Variants in PAPPA2 observed in about 807,000 individuals in gnomAD.
PAPPA2 encodes the protein pappalysin-2.
Under a neutral mutation model 176.4 loss-of-function variants are expected in PAPPA2, and 86 were observed. The observed-to-expected ratio is 0.49, with a 90% confidence interval of 0.41 to 0.58. PAPPA2 has a LOEUF of 0.58. PAPPA2 is among the 20% of genes least tolerant of loss of function. The probability of loss-of-function intolerance (pLI) is 0.00; values close to 1 mark genes in which losing one functional copy is unlikely to be tolerated. For synonymous variants in PAPPA2, 809 were observed against 852.2 expected, an observed-to-expected ratio of 0.95 and a Z score of 0.88; for missense variants, 2,073 against 2,256.9, an observed-to-expected ratio of 0.92 and a Z score of 1.65.
chr1:176,777,941 A>T (rs1213646212), intron 17 of PAPPA2, among the ~76,000 whole-genome samples: 2 of 151,938 alleles, frequency 1.3e-5, no homozygotes, highest in Non-Finnish European at 2.9e-5. Context: ...GCAATAGGGA[A>T]ATTTCTTCTT....
At chr1:176,499,907 G>T (rs370166466) in intron 1 of PAPPA2, among the ~76,000 whole-genome samples, 4 of 152,256 alleles carry the variant, frequency 2.6e-5, no homozygotes, top group Admixed American at 1.3e-4. Flanking sequence ...GGTCTGAGTC[G>T]TGATGTGTCC....
chr1:176,760,587 G>A (rs1473423877), intron 14 of PAPPA2, among the ~76,000 whole-genome samples: 1 of 152,098 alleles, frequency 6.6e-6, no homozygotes. Context: ...GCACAGCTAT[G>A]GTAAAGCCTG....
intron 3 of PAPPA2, among the ~76,000 whole-genome samples, chr1:176,598,906 T>A (rs559602982): frequency 6.6e-6 from 1 of 152,228 alleles, no homozygotes; most frequent in East Asian, 1.9e-4. Flanking sequence ...ATCTCTTAAT[T>A]TACTACCTTA....
At chr1:176,519,339 C>T (rs1649089971) in intron 1 of PAPPA2, among the ~76,000 whole-genome samples, 1 of 152,094 alleles carries the variant, frequency 6.6e-6, no homozygotes, top group African/African-American at 2.4e-5. Context: ...CTGCGGGAGA[C>T]TCCTGGAGAC....
intron 3 of PAPPA2, among the ~76,000 whole-genome samples, chr1:176,614,788 A>G (rs1471768191): frequency 6.6e-6 from 1 of 152,194 alleles, no homozygotes; most frequent in Non-Finnish European, 1.5e-5. Flanking sequence ...CAGGCAGTAT[A>G]AATATATGGT....
intron 12 of PAPPA2, among the ~76,000 whole-genome samples, chr1:176,736,336 A>C (rs903469286): frequency 2.6e-5 from 4 of 151,448 alleles, no homozygotes; most frequent in East Asian, 1.9e-4. Flanking sequence ...TCTGGACTCT[A>C]TATATATATA....
Position 176,716,697 on chromosome 1 carries a change from C to T in PAPPA2, c.3798+4716C>T, listed in dbSNP as rs578113064. On this transcript the variant is annotated intron_variant, in intron 12 of 22. Transcript: ENST00000367662. ...CACAATCTTGGCTCACTGGAAACTC[C>T]GCTTCCCAGGTTCACGCCATTCTCC... 1.0e-4 allele frequency among the ~76,000 whole-genome samples: 15 copies of T among 148,090 alleles called. No homozygotes were observed. In the South Asian group the frequency reaches 1.7e-3, roughly 17 times the overall value.
intron 2 of PAPPA2, among the ~76,000 whole-genome samples, chr1:176,591,431 T>C (rs1653657785): frequency 6.6e-6 from 1 of 152,204 alleles, no homozygotes; most frequent in Non-Finnish European, 1.5e-5. Context: ...GAATTTCTGC[T>C]ATGTTATGAC....
intron 3 of PAPPA2, among the ~76,000 whole-genome samples, chr1:176,658,032 T>C (rs539821692): frequency 1.4e-4 from 21 of 152,100 alleles, no homozygotes; most frequent in Non-Finnish European, 2.6e-4. Flanking sequence ...GTTTCTATCA[T>C]GCTGAGAAAG....
At chr1:176,629,584 A>G (rs912655818) in intron 3 of PAPPA2, among the ~76,000 whole-genome samples, 1 of 152,210 alleles carries the variant, frequency 6.6e-6, no homozygotes, top group African/African-American at 2.4e-5. Context: ...TGAGCAGGTA[A>G]TAAAGAAAGG....
chr1:176,834,118 G>A (rs1210712903), intron 21 of PAPPA2, among the ~76,000 whole-genome samples: 1 of 152,166 alleles, frequency 6.6e-6, no homozygotes, highest in East Asian at 1.9e-4. Flanking sequence ...ACCTACATCA[G>A]TCACTAAACT....
At chr1:176,655,664 G>C (rs1045302518) in intron 3 of PAPPA2, among the ~76,000 whole-genome samples, 3 of 151,788 alleles carry the variant, frequency 2.0e-5, no homozygotes, top group Non-Finnish European at 4.4e-5. Context: ...TGAAATGATA[G>C]ACAATGGAGA....
chr1:176,593,548 A>G (rs191359068), intron 2 of PAPPA2, among the ~76,000 whole-genome samples: 47 of 152,348 alleles, frequency 3.1e-4, no homozygotes, highest in Non-Finnish European at 4.9e-4. Flanking sequence ...TAAACTGAAG[A>G]TGGGTTACTA....
intron 14 of PAPPA2, among the ~76,000 whole-genome samples, chr1:176,753,819 G>A (rs1325706766): frequency 6.6e-6 from 1 of 151,934 alleles, no homozygotes; most frequent in East Asian, 1.9e-4. Context: ...TTTAAGCAAG[G>A]AAAGAATTAT....
rs771000195 is a variant in PAPPA2, at chr1:176,690,155, C to T, written c.2156C>T (p.Pro719Leu). ...VTHLGGIVLS[P>L]AYYGMPGHTD... The stretch of plus-strand genomic sequence containing the variant: ...ATTGCAGGTGGCATTGTCCTCAGCC[C>T]AGCATATTATGGGATGCCTGGCCAC... The change falls in exon 5 of 23, where the codon CCA becomes CTA. Residue 719 changes from proline (P) to leucine (L), a missense_variant. By Grantham distance (98) the Pro-to-Leu change is moderately conservative. Transcript: ENST00000367662. The T allele has an allele frequency of 6.8e-6, 11 of 1,611,822 alleles. No homozygotes were observed. The highest frequency in any genetic ancestry group is 1.1e-5 in the South Asian group (1 of 91,000).
At chr1:176,636,072 C>T (rs1291103562) in intron 3 of PAPPA2, among the ~76,000 whole-genome samples, 1 of 152,092 alleles carries the variant, frequency 6.6e-6, no homozygotes, top group Non-Finnish European at 1.5e-5. Flanking sequence ...ATGTTCTTTC[C>T]TCCCTCTGTG....
chr1:176,634,967 A>AT (rs2102715517), intron 3 of PAPPA2, among the ~76,000 whole-genome samples: 1 of 28,468 alleles, frequency 3.5e-5, no homozygotes, highest in South Asian at 1.3e-3. Context: ...AGATAGATAA[A>AT]TAGATAGATA....
intron 2 of PAPPA2, among the ~76,000 whole-genome samples, chr1:176,562,836 T>G (rs1651753219): frequency 6.6e-6 from 1 of 152,214 alleles, no homozygotes; most frequent in Admixed American, 6.5e-5. Flanking sequence ...GAGAGTAACA[T>G]GGAGGGGCTG....
At chr1:176,529,396 T>C (rs547025739) in intron 1 of PAPPA2, among the ~76,000 whole-genome samples, 2 of 151,964 alleles carry the variant, frequency 1.3e-5, no homozygotes, top group African/African-American at 2.4e-5. Context: ...CCTTCCAGCC[T>C]TTAGTAAACT....
Sources: allele counts gnomAD v4.1 joint callset (sites outside exome capture counted in the v4.1 genomes callset), GRCh38; gene constraint gnomAD v4.1.1; transcripts MANE v1.5; gene names NCBI Gene and HGNC (gene_info 2026-07-23, HGNC 2026-07-21).